Variants in PCCA observed in about 807,000 individuals in gnomAD.
The protein encoded by PCCA is propionyl-CoA carboxylase subunit alpha, also known as propionyl-CoA carboxylase alpha chain, mitochondrial.
Under a neutral mutation model 101.3 loss-of-function variants are expected in PCCA, and 74 were observed. The observed-to-expected ratio is 0.73, with a 90% CI of 0.61 to 0.89. PCCA has a LOEUF of 0.89. Ranked by LOEUF, PCCA falls within the 40% of genes least tolerant of loss-of-function variation. PCCA has a pLI of 0.00. For synonymous variants in PCCA, 294 were observed against 313.6 expected (o/e 0.94, Z 0.66); for missense variants, 891 against 907.0 (o/e 0.98, Z 0.23).
intron 19 of PCCA, among the ~76,000 whole-genome samples, chr13:100,374,408 C>T (rs1423052144): frequency 6.6e-6 from 1 of 152,034 alleles, no homozygotes; most frequent in Non-Finnish European, 1.5e-5. Context: ...TTCATGATTC[C>T]CTTCTGGATT....
At chr13:100,150,523 A>G (rs1447194744) in intron 4 of PCCA, 24 of 1,362,480 alleles carry the variant, frequency 1.8e-5, no homozygotes, top group Non-Finnish European at 1.5e-5. Flanking sequence ...GCCTTCTCCA[A>G]GCTCCCCGGC....
chr13:100,303,462 TTAAAGAG>T (rs1432579603), intron 14 of PCCA, among the ~76,000 whole-genome samples: 1 of 152,142 alleles, frequency 6.6e-6, no homozygotes, highest in Non-Finnish European at 1.5e-5. Flanking sequence ...CTCATGGACT[TTAAAGAG>T]TAATAATATT....
chr13:100,213,695 C>T (rs150394021), intron 7 of PCCA, among the ~76,000 whole-genome samples: 2 of 152,194 alleles, frequency 1.3e-5, no homozygotes, highest in Admixed American at 6.5e-5. Context: ...TGTCTCTTGA[C>T]TGTTGATTTC....
At chr13:100,132,634 TTC>T (rs1400545460) in intron 4 of PCCA, among the ~76,000 whole-genome samples, 7 of 152,214 alleles carry the variant, frequency 4.6e-5, no homozygotes. Context: ...TGTGTACAGA[TTC>T]TGTTTCTCTA....
chr13:100,332,637 G>A (rs900578138), intron 17 of PCCA, among the ~76,000 whole-genome samples: 8 of 152,162 alleles, frequency 5.3e-5, no homozygotes, highest in African/African-American at 1.7e-4. Context: ...GTATGTGCTG[G>A]ACGTTTAGCA....
chr13:100,283,852 A>G (rs781352067), intron 12 of PCCA, among the ~76,000 whole-genome samples: 6 of 152,218 alleles, frequency 3.9e-5, no homozygotes, highest in Admixed American at 6.5e-5. Flanking sequence ...AGATTGTCCA[A>G]TGAGAAACAG....
intron 4 of PCCA, among the ~76,000 whole-genome samples, chr13:100,132,109 A>G (rs890308337): frequency 1.1e-4 from 16 of 152,160 alleles, no homozygotes; most frequent in Non-Finnish European, 1.0e-4. Context: ...GGAGGCCTGC[A>G]GTGTTGTTCA....
chr13:100,440,178 AT>A (rs2080250064), intron 20 of PCCA, among the ~76,000 whole-genome samples: 2 of 74,050 alleles, frequency 2.7e-5, no homozygotes, highest in Non-Finnish European at 4.7e-5. Flanking sequence ...ATATATATAT[AT>A]ATATATATAT....
At chr13:100,483,959 C>T (rs1348865536) in intron 21 of PCCA, among the ~76,000 whole-genome samples, 3 of 152,106 alleles carry the variant, frequency 2.0e-5, no homozygotes, top group East Asian at 1.9e-4. Context: ...TGGAGGAAAA[C>T]AATCTGGGTT....
At chr13:100,125,391 CA>C (rs1254900570) in intron 4 of PCCA, among the ~76,000 whole-genome samples, 2 of 152,118 alleles carry the variant, frequency 1.3e-5, no homozygotes, top group Non-Finnish European at 2.9e-5. Flanking sequence ...TTATCAACAG[CA>C]AAAAGTCTTA....
Position 100,425,686 on chromosome 13 carries a change from G to A in PCCA, c.1800G>A (p.Ser600=), listed in dbSNP as rs761681712. 147 of 1,614,018 alleles carry A rather than the reference G, an allele frequency of 9.1e-5. No individual in the cohort carries two copies. The highest frequency in any genetic ancestry group is 1.1e-4 in the Non-Finnish European group (128 of 1,179,982). ...LNVTSTWNLA[S]PLLSVSVDGT... is the part of the protein sequence containing the mutation. Reference sequence around the variant, plus strand: ...TGACCAGCACGTGGAACCTGGCTTCGCCCTTATTGTCTGTCAGCGTTGATG... The same window carrying A: ...TGACCAGCACGTGGAACCTGGCTTCACCCTTATTGTCTGTCAGCGTTGATG... Residue 600 remains serine, a synonymous_variant, in exon 20 of 24, where the codon TCG becomes TCA. Transcript: ENST00000376285.
At chr13:100,396,996 G>A (rs2077076710) in intron 19 of PCCA, among the ~76,000 whole-genome samples, 1 of 152,040 alleles carries the variant, frequency 6.6e-6, no homozygotes, top group African/African-American at 2.4e-5. Flanking sequence ...TAGGGTATGG[G>A]GCCGACTGGC....
chr13:100,234,926 C>G (rs1352862954), intron 7 of PCCA, among the ~76,000 whole-genome samples: 1 of 145,396 alleles, frequency 6.9e-6, no homozygotes, highest in Non-Finnish European at 1.5e-5. Flanking sequence ...CCACACATAC[C>G]CACACACACG....
rs548833871 is a variant in PCCA, at chr13:100,302,989, T to G, written c.1275T>G (p.His425Gln). The change falls in exon 14 of 24, where the codon CAT (histidine) becomes CAG (glutamine). Residue 425 changes from histidine (H) to glutamine (Q), a missense_variant. Transcript: ENST00000376285. ...GRLSQYQEPL[H>Q]LPGVRVDSGI... ...TGTCTCAGTACCAAGAACCGTTACA[T>G]CTACCTGGTGTAAGTCATTAAGCTG... 7 of 1,574,580 alleles carry G rather than the reference T, an allele frequency of 4.4e-6. No individual in the cohort carries two copies. The East Asian group carries it at 1.6e-4, about 35-fold the overall frequency.
chr13:100,180,694 T>TA (rs2056717698), intron 6 of PCCA, among the ~76,000 whole-genome samples: 1 of 152,254 alleles, frequency 6.6e-6, no homozygotes, highest in Non-Finnish European at 1.5e-5. Flanking sequence ...TAATTACTAA[T>TA]ACGCTTCTTT....
At chr13:100,472,203 C>A (rs1433457029) in intron 21 of PCCA, among the ~76,000 whole-genome samples, 2 of 152,130 alleles carry the variant, frequency 1.3e-5, no homozygotes, top group Non-Finnish European at 2.9e-5. Context: ...TGATTTATTT[C>A]CCTTACTGCG....
At chr13:100,321,693 T>A (rs1365997709) in intron 16 of PCCA, among the ~76,000 whole-genome samples, 4 of 151,480 alleles carry the variant, frequency 2.6e-5, no homozygotes, top group African/African-American at 9.7e-5. Context: ...TGATCGATTC[T>A]GATATATATA....
intron 18 of PCCA, among the ~76,000 whole-genome samples, chr13:100,361,929 A>G (rs1254248384): frequency 2.0e-5 from 3 of 152,320 alleles, no homozygotes; most frequent in South Asian, 4.1e-4. Context: ...AAGGGGGGAA[A>G]AAGCAATCAA....
At chr13:100,453,327 C>T (rs1053325372) in intron 21 of PCCA, among the ~76,000 whole-genome samples, 1 of 151,992 alleles carries the variant, frequency 6.6e-6, no homozygotes, top group African/African-American at 2.4e-5. Context: ...ATGGTGAAAC[C>T]CTGTTTCTAC....
Sources: gnomAD v4.1 joint callset for allele counts (sites outside exome capture counted in the v4.1 genomes callset) on GRCh38, gnomAD v4.1.1 for gene constraint, MANE v1.5 for transcripts, NCBI Gene and HGNC (gene_info 2026-07-23, HGNC 2026-07-21) for gene names.